Variants in CCDC91 observed in about 807,000 individuals in gnomAD.
CCDC91 encodes coiled-coil domain-containing protein 91.
CCDC91 carries 48 observed loss-of-function variants against 63.2 expected under a neutral mutation model. The observed-to-expected ratio is 0.76, with a 90% CI of 0.60 to 0.97. The LOEUF is 0.97. Among genes scored for constraint, CCDC91 ranks in the 50% least tolerant of loss-of-function variants. CCDC91 has a pLI of 0.00. For missense variants in CCDC91, 500 were observed against 494.6 expected (o/e 1.01, Z -0.10); for synonymous variants, 167 against 165.8 (o/e 1.01, Z -0.06).
intron 3 of CCDC91, among the ~76,000 whole-genome samples, chr12:28,268,307 C>T (rs773772146): frequency 1.3e-5 from 2 of 151,898 alleles, no homozygotes; most frequent in Non-Finnish European, 2.9e-5. Context: ...TCGTGATCTG[C>T]CCACCTCGGC....
At chr12:28,200,972 C>T (rs1264592375) in intron 1 of CCDC91, among the ~76,000 whole-genome samples, 1 of 137,484 alleles carries the variant, frequency 7.3e-6, no homozygotes, top group Admixed American at 6.9e-5. Context: ...CAACCTCCCT[C>T]CCGGACGGGG....
chr12:28,340,548 A>G (rs1005939795), intron 6 of CCDC91, among the ~76,000 whole-genome samples: 5 of 152,232 alleles, frequency 3.3e-5, no homozygotes, highest in African/African-American at 1.2e-4. Flanking sequence ...TCAAAGCCAG[A>G]AATGGCTGTT....
chr12:28,327,258 C>A (rs1941098596), intron 6 of CCDC91, among the ~76,000 whole-genome samples: 1 of 152,100 alleles, frequency 6.6e-6, no homozygotes, highest in Non-Finnish European at 1.5e-5. Flanking sequence ...TAAAATTGAG[C>A]TGCAGACATA....
At position 28,365,201 on chromosome 12, in the gene CCDC91, C is replaced by T. The variant is rs566837592; in HGVS notation, c.654+2686C>T. ...TCTTTAACTGAGTGCTAAGTAATGG[C>T]GCTGGACAAATATGTAAAATGAGTA... is the stretch of plus-strand genomic sequence containing the variant. On this transcript the variant is annotated intron_variant, in intron 7 of 12. Transcript: ENST00000536442. Among the ~76,000 whole-genome samples the T allele has an allele frequency of 2.6e-5, 4 of 152,232 alleles. No individual in the cohort carries two copies. The South Asian group carries it at 8.3e-4, about 32-fold the overall frequency.
intron 6 of CCDC91, among the ~76,000 whole-genome samples, chr12:28,331,289 C>T (rs1282980532): frequency 6.6e-6 from 1 of 152,158 alleles, no homozygotes; most frequent in Non-Finnish European, 1.5e-5. Context: ...TTTGAGTTGT[C>T]AGTAATCTCC....
intron 8 of CCDC91, among the ~76,000 whole-genome samples, chr12:28,394,228 A>T (rs1946129610): frequency 6.6e-6 from 1 of 152,176 alleles, no homozygotes; most frequent in African/African-American, 2.4e-5. Flanking sequence ...GCACTTTGGG[A>T]GGCCACGGCG....
At chr12:28,528,549 C>T (rs951537062) in intron 12 of CCDC91, among the ~76,000 whole-genome samples, 9 of 152,106 alleles carry the variant, frequency 5.9e-5, no homozygotes, top group Admixed American at 2.0e-4. Flanking sequence ...GCTTTCCTAA[C>T]GTTTTCTTGC....
chr12:28,360,780 C>T (rs73263489), intron 6 of CCDC91, among the ~76,000 whole-genome samples: 4,541 of 152,136 alleles, frequency 0.03, 192 homozygotes, highest in African/African-American at 0.098. Context: ...TCCTTATTTT[C>T]ACATTCTCTG....
At chr12:28,394,952 G>T (rs553826922) in intron 8 of CCDC91, among the ~76,000 whole-genome samples, 2 of 152,200 alleles carry the variant, frequency 1.3e-5, no homozygotes, top group African/African-American at 4.8e-5. Flanking sequence ...ATGTGCAATA[G>T]TGCTTAGATT....
At chr12:28,230,204 G>A (rs1234188579) in intron 1 of CCDC91, among the ~76,000 whole-genome samples, 2 of 152,122 alleles carry the variant, frequency 1.3e-5, no homozygotes, top group East Asian at 3.8e-4. Flanking sequence ...ATTGCCTAAG[G>A]CAGGGAAATT....
At chr12:28,290,055 G>A (rs11049509) in intron 3 of CCDC91, among the ~76,000 whole-genome samples, 30,470 of 151,900 alleles carry the variant, frequency 0.2, 4,001 homozygotes, top group Non-Finnish European at 0.3. Flanking sequence ...TTTAGGCCCT[G>A]AATATCTTAG....
At chr12:28,476,080 A>G (rs1951072281) in intron 11 of CCDC91, among the ~76,000 whole-genome samples, 1 of 151,990 alleles carries the variant, frequency 6.6e-6, no homozygotes, top group African/African-American at 2.4e-5. Context: ...TACCCATACT[A>G]CTGAATATTA....
At chr12:28,360,798 T>C (rs1943829052) in intron 6 of CCDC91, among the ~76,000 whole-genome samples, 1 of 152,162 alleles carries the variant, frequency 6.6e-6, no homozygotes, top group Admixed American at 6.5e-5. Context: ...CTGGAAGAGT[T>C]TGTGGAAGAT....
At chr12:28,503,527 C>T (rs1170507199) in intron 12 of CCDC91, among the ~76,000 whole-genome samples, 3 of 152,106 alleles carry the variant, frequency 2.0e-5, no homozygotes, top group East Asian at 1.9e-4. Flanking sequence ...GTGAGTGTGG[C>T]GATTCCTCAG....
intron 3 of CCDC91, among the ~76,000 whole-genome samples, chr12:28,260,325 G>T (rs761433156): frequency 5.3e-5 from 8 of 151,952 alleles, no homozygotes; most frequent in Non-Finnish European, 1.2e-4. Flanking sequence ...TCTGTTCTCT[G>T]AAGGGTGCAT....
At chr12:28,260,776 G>C (rs943304779) in intron 3 of CCDC91, among the ~76,000 whole-genome samples, 2 of 151,902 alleles carry the variant, frequency 1.3e-5, no homozygotes, top group African/African-American at 2.4e-5. Context: ...AAGTGAACAA[G>C]GGAACTAGTA....
chr12:28,363,876 G>GA (rs34997286), intron 7 of CCDC91, among the ~76,000 whole-genome samples: 841 of 52,306 alleles, frequency 0.016, 29 homozygotes, highest in African/African-American at 0.032. Context: ...GGCTCCATCT[G>GA]AAAAAAAAAA....
intron 8 of CCDC91, among the ~76,000 whole-genome samples, chr12:28,408,034 G>T (rs1250926174): frequency 6.6e-6 from 1 of 151,068 alleles, no homozygotes; most frequent in African/African-American, 2.4e-5. Flanking sequence ...TGTTGCATAG[G>T]TATACATGTG....
At chr12:28,457,512 T>G (rs186132181) in intron 11 of CCDC91, among the ~76,000 whole-genome samples, 43 of 150,232 alleles carry the variant, frequency 2.9e-4, no homozygotes, top group African/African-American at 1.0e-3. Flanking sequence ...CTTAAGCCAC[T>G]TCAATTATTC....
Sources: gnomAD v4.1 joint callset for allele counts (sites outside exome capture counted in the v4.1 genomes callset) on GRCh38, gnomAD v4.1.1 for gene constraint, MANE v1.5 for transcripts, NCBI Gene and HGNC (gene_info 2026-07-23, HGNC 2026-07-21) for gene names.